The following TSNARE1 variants were observed in gnomAD, a reference collection of about 807,000 sequenced individuals.
The protein encoded by TSNARE1 is t-SNARE domain-containing protein 1.
Under a neutral mutation model 62.0 loss-of-function variants are expected in TSNARE1, and 49 were observed. The ratio of observed to expected loss-of-function variants is 0.79; its 90% CI spans 0.63 to 1.00. The LOEUF is 1.00. TSNARE1 is among the 50% of genes least tolerant of loss of function. The pLI, the probability that TSNARE1 is intolerant of heterozygous loss-of-function variation, is 0.00. For missense variants in TSNARE1, 755 were observed against 700.1 expected (o/e 1.08, Z -0.88); for synonymous variants, 328 against 294.4 (o/e 1.11, Z -1.17).
At position 142,320,054 on chromosome 8, in the gene TSNARE1, G is replaced by A. The variant is rs141913083; in HGVS notation, c.894-1420C>T. On this transcript the variant is annotated intron_variant, in intron 6 of 13. Transcript: ENST00000524325. The stretch of plus-strand genomic sequence containing the variant: ...CAGAAGCAGAGTGCCCCTCACCCCC[G>A]CTCCCACCAGTCCCCTCCTCACCCT... Among the ~76,000 whole-genome samples the A allele has an allele frequency of 1.9e-3, 282 of 152,116 alleles. 2 individuals carry two copies. Among genetic ancestry groups the A allele is most frequent in the African/African-American group, 6.3e-3 (260 of 41,498 alleles).
chr8:142,229,706 G>A (rs544398493), intron 12 of TSNARE1, 127 bp from the exon 13 acceptor site: 8 of 725,172 alleles, frequency 1.1e-5, no homozygotes, highest in East Asian at 2.7e-5. Flanking sequence ...GCAGGGTCCA[G>A]AGAGAACCTG....
At chr8:142,391,525 A>C (rs1837530048) in intron 1 of TSNARE1, among the ~76,000 whole-genome samples, 1 of 152,226 alleles carries the variant, frequency 6.6e-6, no homozygotes, top group Admixed American at 6.5e-5. Context: ...CTCTTCAGCA[A>C]GCCCAGACCT....
chr8:142,350,583 C>T (rs1482674501), intron 2 of TSNARE1, among the ~76,000 whole-genome samples: 1 of 152,046 alleles, frequency 6.6e-6, no homozygotes, highest in Non-Finnish European at 1.5e-5. Flanking sequence ...CCACCATCTC[C>T]ATTCAACACT....
At position 142,221,857 on chromosome 8, in the gene TSNARE1, C is replaced by T. The variant is rs375849071; in HGVS notation, c.*11+7616G>A. Among the ~76,000 whole-genome samples the T allele has an allele frequency of 4.7e-4, 41 of 87,694 alleles. 1 individual carries two copies. The East Asian group carries it at 0.014, about 30-fold the overall frequency. 57.5% of individuals were successfully genotyped at this position (87,694 alleles called of 152,430 possible). The stretch of plus-strand genomic sequence containing the variant: ...CTCATCCACTCATTCACTCACTCAT[C>T]CACTCACTCATTCACTCACTCACTC... On this transcript the variant is annotated intron_variant, in intron 13 of 13. Transcript: ENST00000524325.
At chr8:142,336,282 C>CAAAA (rs749299318) in intron 4 of TSNARE1, among the ~76,000 whole-genome samples, 11 of 25,130 alleles carry the variant, frequency 4.4e-4, no homozygotes, top group African/African-American at 6.1e-4. Context: ...GACCCTGTCT[C>CAAAA]AAAAAAAAAA....
chr8:142,214,018 A>C (rs1815705052), intron 13 of TSNARE1, among the ~76,000 whole-genome samples: 1 of 151,976 alleles, frequency 6.6e-6, no homozygotes, highest in Admixed American at 6.6e-5. Flanking sequence ...GTCCCTGGAG[A>C]CACCTGTCCT....
At chr8:142,231,858 C>A (rs1044525059) in intron 12 of TSNARE1, among the ~76,000 whole-genome samples, 1 of 152,206 alleles carries the variant, frequency 6.6e-6, no homozygotes. Flanking sequence ...GACTCCACAC[C>A]CTGCCCCATA....
At chr8:142,277,827 C>T in intron 11 of TSNARE1, 2 of 985,376 alleles carry the variant, frequency 2.0e-6, no homozygotes, top group Non-Finnish European at 2.4e-6. Flanking sequence ...AACCTGAGTT[C>T]CTGCAGCCTC....
chr8:142,344,534 C>T (rs780912224), intron 3 of TSNARE1, 62 bp from the exon 4 acceptor site: 20 of 1,419,800 alleles, frequency 1.4e-5, no homozygotes, highest in East Asian at 2.6e-5. Flanking sequence ...GCGGCCCCGG[C>T]GGCAGCTCCC....
rs374123145 is a variant in TSNARE1 at position 142,342,383 on chromosome 8, C to A, written c.745+1583G>T. Among the ~76,000 whole-genome samples the A allele has an allele frequency of 1.4e-3, 209 of 152,348 alleles. 2 individuals carry two copies. Among genetic ancestry groups the A allele is most frequent in the African/African-American group, 4.7e-3 (197 of 41,584 alleles). ...CCTCTTCCAGACACTGTCAGCTCCACCACAGCCAGCACTGCGGTCCTCGCC... is the reference window on the plus strand; with the variant it reads ...CCTCTTCCAGACACTGTCAGCTCCAACACAGCCAGCACTGCGGTCCTCGCC... On this transcript the variant is annotated intron_variant, in intron 4 of 13. Transcript: ENST00000524325.
intron 13 of TSNARE1, among the ~76,000 whole-genome samples, chr8:142,222,242 TCACTCACTCATCCACTCATC>T (rs1411925971): frequency 0.018 from 442 of 24,798 alleles, 55 homozygotes; most frequent in African/African-American, 0.04. Flanking sequence ...ACTCATTCAC[TCACTCACTCATCCACTCATC>T]CACTCACTCA....
intron 11 of TSNARE1, 50 bp downstream of exon 11, chr8:142,284,359 TGGCA>T (rs1822320707): frequency 6.9e-7 from 1 of 1,451,690 alleles, no homozygotes; most frequent in South Asian, 1.1e-5. Flanking sequence ...GGCTGGGGGC[TGGCA>T]GGCAGGCCCT....
chr8:142,354,806 G>A, intron 1 of TSNARE1, 43 bp from the exon 2 acceptor site: 1 of 1,189,864 alleles, frequency 8.4e-7, no homozygotes. Flanking sequence ...GGGAAGACAT[G>A]GGGATTAAAG....
intron 12 of TSNARE1, among the ~76,000 whole-genome samples, chr8:142,243,717 A>G (rs1817764076): frequency 6.6e-6 from 1 of 152,224 alleles, no homozygotes; most frequent in East Asian, 1.9e-4. Context: ...AATAATGTAT[A>G]GTAGACTTAA....
intron 1 of TSNARE1, among the ~76,000 whole-genome samples, chr8:142,359,104 G>A (rs554868348): frequency 5.3e-5 from 8 of 152,058 alleles, no homozygotes; most frequent in South Asian, 2.1e-4. Context: ...GCTGTTACTC[G>A]GCTTCCCCCA....
rs1371045289 is a variant in TSNARE1 at position 142,403,143 on chromosome 8, G to A, written c.-79C>T. The A allele has an allele frequency of 1.3e-5, 2 of 148,158 alleles. No homozygotes were observed. Among genetic ancestry groups the A allele is most frequent in the African/African-American group, 2.4e-5 (1 of 41,008 alleles). The allele number at this position is 148,158 out of a possible 1,614,324, so 9.2% of individuals were successfully genotyped here. A position where few individuals can be genotyped will look rare whatever the true frequency, so the allele number is the denominator to read the frequency against. ...CTCGCGGACCGCTCCGGGCGCTCAC[G>A]GCGGGCGAGGCGGGCGGGGCGGGCA... On this transcript the variant is annotated 5_prime_UTR_variant, in exon 1 of 14. Transcript: ENST00000524325.
chr8:142,356,085 T>C (rs918040620), intron 1 of TSNARE1, among the ~76,000 whole-genome samples: 5 of 152,220 alleles, frequency 3.3e-5, no homozygotes, highest in African/African-American at 7.2e-5. Flanking sequence ...ACAGATAACA[T>C]CTTTATTAAA....
chr8:142,312,773 C>T (rs1827804236), intron 9 of TSNARE1, among the ~76,000 whole-genome samples: 1 of 152,150 alleles, frequency 6.6e-6, no homozygotes, highest in African/African-American at 2.4e-5. Flanking sequence ...TCCTAAGGGT[C>T]CTGAACTCTA....
At chr8:142,338,846 A>G (rs1832139470) in intron 4 of TSNARE1, among the ~76,000 whole-genome samples, 1 of 152,142 alleles carries the variant, frequency 6.6e-6, no homozygotes, top group Admixed American at 6.5e-5. Context: ...CCGAGTCCAT[A>G]TGCAGTGGCC....
Sources: allele counts gnomAD v4.1 joint callset (sites outside exome capture counted in the v4.1 genomes callset), GRCh38; gene constraint gnomAD v4.1.1; transcripts MANE v1.5; gene names NCBI Gene and HGNC (gene_info 2026-07-23, HGNC 2026-07-21).